Variants in NIN observed in about 807,000 individuals in gnomAD.
NIN encodes glycogen synthase kinase 3 beta-interacting protein.
Under a neutral mutation model 257.6 loss-of-function variants are expected in NIN, and 137 were observed. The ratio of observed to expected loss-of-function variants is 0.53; its 90% CI spans 0.46 to 0.61. NIN has a LOEUF of 0.61. Among genes scored for constraint, NIN ranks in the 20% least tolerant of loss-of-function variants. The pLI is 0.00. For synonymous variants in NIN, 918 were observed against 919.8 expected (o/e 1.00, Z 0.04); for missense variants, 2,439 against 2,501.2 (o/e 0.98, Z 0.53).
intron 27 of NIN, among the ~76,000 whole-genome samples, chr14:50,737,410 CCT>C (rs2041033204): frequency 6.7e-6 from 1 of 149,006 alleles, no homozygotes; most frequent in Non-Finnish European, 1.5e-5. Context: ...TCATGAGAGC[CCT>C]GAGTTGGACC....
intron 28 of NIN, 45 bp from the exon 29 acceptor site, chr14:50,729,768 C>G: frequency 7.0e-7 from 1 of 1,423,776 alleles, no homozygotes; most frequent in African/African-American, 1.4e-5. Context: ...TCCCTTCAAT[C>G]CCAGAGCTGC....
intron 2 of NIN, 92 bp from the exon 3 acceptor site, chr14:50,822,169 A>C: frequency 1.2e-6 from 1 of 869,136 alleles, no homozygotes; most frequent in Non-Finnish European, 1.8e-6. Flanking sequence ...TCTGTACCCC[A>C]CCAGTCTCTA....
At chr14:50,742,555 G>C (rs772345371) in intron 24 of NIN, among the ~76,000 whole-genome samples, 1 of 151,968 alleles carries the variant, frequency 6.6e-6, no homozygotes, top group South Asian at 2.1e-4. Flanking sequence ...CACCGCGCTC[G>C]GCTAATTTTT....
rs142641889 is a variant in NIN, at chr14:50,757,638, C to T, written c.3392G>A (p.Arg1131Gln). 78 of 1,614,004 alleles carry T rather than the reference C, an allele frequency of 4.8e-5. No individual in the cohort carries two copies. Among genetic ancestry groups the T allele is most frequent in the Admixed American group, 3.2e-4 (19 of 60,008 alleles). The change falls in exon 18 of 31, where the codon CGA (arginine) becomes CAA (glutamine). Residue 1131 changes from arginine (R) to glutamine (Q), a missense_variant. Arg to Gln is a conservative substitution (Grantham distance 43). This residue lies in a region of NIN where 2,043 missense variants were observed against 2,050.2 expected (regional missense o/e 1.00). Coordinates refer to ENST00000530997, the MANE Select transcript of NIN (RefSeq NM_020921.4). ...EQTEQFLQQN[R>Q]TKQVEGVTRR... ...GGTCACACCTTCTACTTGCTTCGTT[C>T]GGTTTTGCTGTAAAAACTGCTCTGT...
At position 50,787,960 on chromosome 14, in the gene NIN, T is replaced by C. The variant is rs1156669740; in HGVS notation, c.435+4752A>G. On this transcript the variant is annotated intron_variant, in intron 5 of 30. Transcript: ENST00000530997. ...AGCAGGAAAGAATCAAAGTGTCTGA[T>C]AGAAGCATGGGGTGGGGGAAGGGAT... 2.0e-5 allele frequency among the ~76,000 whole-genome samples: 3 copies of C among 151,946 alleles called. 1 individual carries two copies. The highest frequency in any genetic ancestry group is 2.1e-4 in the South Asian group (1 of 4,814).
chr14:50,797,168 C>T (rs771006496), intron 4 of NIN, among the ~76,000 whole-genome samples: 3 of 152,178 alleles, frequency 2.0e-5, no homozygotes, highest in Non-Finnish European at 4.4e-5. Flanking sequence ...AAACACCTGC[C>T]ATAGGCAAAA....
intron 5 of NIN, among the ~76,000 whole-genome samples, chr14:50,782,013 AAAAAC>A (rs2043153840): frequency 6.6e-6 from 1 of 151,968 alleles, no homozygotes; most frequent in South Asian, 2.1e-4. Flanking sequence ...ATTAAAAAAA[AAAAAC>A]CAAAAACAAA....
intron 28 of NIN, chr14:50,730,889 T>G (rs1238721802): frequency 3.8e-6 from 5 of 1,328,650 alleles, no homozygotes; most frequent in Non-Finnish European, 5.0e-6. Context: ...GATGGCTCCA[T>G]GCTATGAAAG....
intron 16 of NIN, among the ~76,000 whole-genome samples, chr14:50,760,806 G>A (rs537646843): frequency 6.6e-6 from 1 of 152,114 alleles, no homozygotes; most frequent in South Asian, 2.1e-4. Flanking sequence ...CTGAGTAGTT[G>A]GGACTAAAGG....
chr14:50,828,652 C>T (rs566202932), intron 2 of NIN, among the ~76,000 whole-genome samples: 1 of 152,284 alleles, frequency 6.6e-6, no homozygotes, highest in South Asian at 2.1e-4. Flanking sequence ...CAATGTAAGA[C>T]TGATAAAATG....
chr14:50,788,744 G>C (rs183257994), intron 5 of NIN, among the ~76,000 whole-genome samples: 3 of 152,118 alleles, frequency 2.0e-5, no homozygotes, highest in African/African-American at 7.2e-5. Context: ...AGCCCCCTTG[G>C]GGACAGTTTT....
intron 23 of NIN, 48 bp downstream of exon 23, chr14:50,744,195 T>C: frequency 6.3e-7 from 1 of 1,596,956 alleles, no homozygotes; most frequent in South Asian, 1.1e-5. Flanking sequence ...AGGTTCATTA[T>C]GGTGTGTATT....
rs1160707661 is a variant in NIN, at chr14:50,772,459, C to T, written c.823G>A (p.Glu275Lys). The T allele has an allele frequency of 6.2e-7, 1 of 1,614,064 alleles. No homozygotes were observed. Among genetic ancestry groups the T allele is most frequent in the East Asian group, 2.2e-5 (1 of 44,870 alleles). ...GAGGTTGTGGTACGTCGTCCACTCT[C>T]ATCGAAAGACTGGAAGGAGGAAGAG... ...KRHLSMQSFD[E>K]SGRRTTTSSA... Residue 275 changes from glutamate to lysine, a missense_variant, in exon 9 of 31, where the codon GAG (glutamate) becomes AAG (lysine). Physicochemically the swap from Glu to Lys is moderately conservative, Grantham distance 56. This residue lies in a region of NIN where 387 missense variants were observed against 427.3 expected (regional missense o/e 0.91). Coordinates refer to ENST00000530997, the MANE Select transcript of NIN (RefSeq NM_020921.4).
Position 50,719,810 on chromosome 14 carries a change from CAA to C in NIN, c.*3651_*3652del, listed in dbSNP as rs2140290768. 1 of 191,998 alleles carries C rather than the reference CAA, an allele frequency of 5.2e-6. No homozygotes were observed. Among genetic ancestry groups the C allele is most frequent in the Admixed American group, 6.1e-5 (1 of 16,322 alleles). 11.9% of individuals were successfully genotyped at this position (191,998 alleles called of 1,614,324 possible). ...TTAAAAGGTCAGGGTATATAGAAAA[CAA>C]AAGGCATGTTTGCAAAATTATTTAT... On this transcript the variant is annotated 3_prime_UTR_variant, in exon 31 of 31. Coordinates refer to ENST00000530997, the MANE Select transcript of NIN (RefSeq NM_020921.4).
intron 2 of NIN, among the ~76,000 whole-genome samples, chr14:50,823,013 A>G (rs1202627718): frequency 1.3e-5 from 2 of 152,122 alleles, no homozygotes; most frequent in African/African-American, 2.4e-5. Context: ...CGTCTCTCTC[A>G]CCTACCCATA....
intron 2 of NIN, chr14:50,823,384 G>A: frequency 2.0e-6 from 1 of 488,406 alleles, no homozygotes; most frequent in Non-Finnish European, 4.1e-6. Flanking sequence ...TTTAATCCAA[G>A]CCAAATTACA....
chr14:50,761,691 G>A, intron 16 of NIN, 99 bp downstream of exon 16: 1 of 1,363,694 alleles, frequency 7.3e-7, no homozygotes. Context: ...AACATAGAAT[G>A]TGCTGCTCTA....
At chr14:50,810,114 C>T (rs887826219) in intron 3 of NIN, among the ~76,000 whole-genome samples, 3 of 151,910 alleles carry the variant, frequency 2.0e-5, no homozygotes, top group African/African-American at 7.3e-5. Context: ...GCCTGTAGTC[C>T]CAGCTACTCG....
upstream of NIN, among the ~76,000 whole-genome samples, chr14:50,831,331 C>T (rs1473137146): frequency 6.6e-6 from 1 of 152,094 alleles, no homozygotes; most frequent in South Asian, 2.1e-4. Context: ...AAGTTAGAAA[C>T]GCCGGGGCTC....
Sources: allele counts gnomAD v4.1 joint callset (sites outside exome capture counted in the v4.1 genomes callset), GRCh38; gene constraint gnomAD v4.1.1; regional missense constraint gnomAD v4.1.1; transcripts MANE v1.5; gene names NCBI Gene and HGNC (gene_info 2026-07-23, HGNC 2026-07-21).